Variants in RBMS2 observed in about 807,000 individuals in gnomAD.
The protein encoded by RBMS2 is RNA binding motif single stranded interacting protein 2.
RBMS2 carries 38 observed loss-of-function variants against 58.4 expected under a neutral mutation model. The observed-to-expected ratio is 0.65, with a 90% CI of 0.50 to 0.85. RBMS2 has a LOEUF of 0.85. RBMS2 is among the 40% of genes least tolerant of loss of function. RBMS2 has a pLI of 0.00. For missense variants in RBMS2, 367 were observed against 503.7 expected (o/e 0.73, Z 2.60); for synonymous variants, 151 against 180.7 (o/e 0.84, Z 1.32).
Position 56,595,652 on chromosome 12 carries a change from A to T in RBMS2, c.*6519A>T, listed in dbSNP as rs1272843657. On this transcript the variant is annotated 3_prime_UTR_variant, in exon 14 of 14. Transcript: ENST00000262031. ...GAAGTGGTAAGCTGGTGATGGTCCC[A>T]TATTTGCTATGACAGGAACACAGAG... The T allele has an allele frequency of 6.6e-6, 1 of 151,906 alleles. No homozygotes were observed. Among genetic ancestry groups the T allele is most frequent in the South Asian group, 2.1e-4 (1 of 4,824 alleles). The allele number at this position is 151,906 out of a possible 1,614,324, so 9.4% of individuals were successfully genotyped here. A position where few individuals can be genotyped will look rare whatever the true frequency, so the allele number is the denominator to read the frequency against.
intron 1 of RBMS2, among the ~76,000 whole-genome samples, chr12:56,547,030 T>G (rs1877371070): frequency 6.6e-6 from 1 of 152,094 alleles, no homozygotes; most frequent in African/African-American, 2.4e-5. Flanking sequence ...TTGATTTGCA[T>G]TTCCTTGATG....
chr12:56,562,151 AAG>A (rs1030484688), intron 1 of RBMS2, among the ~76,000 whole-genome samples: 23 of 152,164 alleles, frequency 1.5e-4, no homozygotes, highest in African/African-American at 4.3e-4. Context: ...TGCTGGCAAA[AAG>A]AGGGAAAAAG....
At chr12:56,540,214 C>A (rs537429100) in intron 1 of RBMS2, among the ~76,000 whole-genome samples, 11 of 152,176 alleles carry the variant, frequency 7.2e-5, no homozygotes, top group African/African-American at 2.4e-4. Flanking sequence ...AGCATTTTGT[C>A]CTTGGTACCT....
At chr12:56,578,614 T>C (rs1883476579) in intron 5 of RBMS2, among the ~76,000 whole-genome samples, 1 of 152,210 alleles carries the variant, frequency 6.6e-6, no homozygotes, top group Non-Finnish European at 1.5e-5. Context: ...TGAGAAACCT[T>C]GTTCTCATAA....
chr12:56,567,961 A>C (rs1881651400), intron 2 of RBMS2, among the ~76,000 whole-genome samples: 1 of 152,220 alleles, frequency 6.6e-6, no homozygotes, highest in Non-Finnish European at 1.5e-5. Context: ...GGTTCCTTGA[A>C]TATAATAATA....
intron 2 of RBMS2, among the ~76,000 whole-genome samples, chr12:56,564,047 T>A (rs1165660953): frequency 6.6e-6 from 1 of 152,112 alleles, no homozygotes; most frequent in Non-Finnish European, 1.5e-5. Flanking sequence ...GAATCTTTTT[T>A]TTTTAAGACT....
At chr12:56,553,429 A>G (rs1878642783) in intron 1 of RBMS2, among the ~76,000 whole-genome samples, 1 of 151,998 alleles carries the variant, frequency 6.6e-6, no homozygotes, top group African/African-American at 2.4e-5. Context: ...CCCAGGTTTA[A>G]GCAATTCTCC....
chr12:56,595,352 T>C lies in RBMS2; in HGVS notation c.*6219T>C, dbSNP rs554400710. ...TCCCCACTCCAACATATACCCTTTTTGGGTGGGTAAACACCTCTTTGCATG... is the reference window on the plus strand; with the variant it reads ...TCCCCACTCCAACATATACCCTTTTCGGGTGGGTAAACACCTCTTTGCATG... On this transcript the variant is annotated 3_prime_UTR_variant, in exon 14 of 14. Transcript: ENST00000262031. The C allele has an allele frequency of 3.3e-5, 5 of 152,222 alleles. No individual in the cohort carries two copies. Among genetic ancestry groups the C allele is most frequent in the African/African-American group, 9.7e-5 (4 of 41,448 alleles). 9.4% of individuals were successfully genotyped at this position (152,222 alleles called of 1,614,324 possible). A position where few individuals can be genotyped will look rare whatever the true frequency, so the allele number is the denominator to read the frequency against.
At chr12:56,562,872 C>T (rs1483109219) in intron 2 of RBMS2, among the ~76,000 whole-genome samples, 6 of 152,154 alleles carry the variant, frequency 3.9e-5, no homozygotes, top group Non-Finnish European at 5.9e-5. Flanking sequence ...CCTATAATCC[C>T]AGCACTTTGG....
At chr12:56,587,529 C>A in intron 10 of RBMS2, 25 bp from the exon 11 acceptor site, 1 of 1,610,786 alleles carries the variant, frequency 6.2e-7, no homozygotes, top group South Asian at 1.1e-5. Flanking sequence ...CTGCAGCTAA[C>A]CCTGTCCTTT....
rs546158249 is a variant in RBMS2 at position 56,596,188 on chromosome 12, CAG to C, written c.*7057_*7058del. 7.7e-4 allele frequency: 118 copies of C among 152,836 alleles called. No individual in the cohort carries two copies. The highest frequency in any genetic ancestry group is 2.7e-3 in the African/African-American group (114 of 41,586). The allele number at this position is 152,836 out of a possible 1,614,324, so 9.5% of individuals were successfully genotyped here. On this transcript the variant is annotated 3_prime_UTR_variant, in exon 14 of 14. Transcript: ENST00000262031. Reference sequence around the variant, plus strand: ...AGTCCCTTTTGCTGTAAAAGGAACACAGAAACTTGTTGGTGTTGATGGTGTGG... The same window carrying C: ...AGTCCCTTTTGCTGTAAAAGGAACACAAACTTGTTGGTGTTGATGGTGTGG...
At position 56,573,130 on chromosome 12, in the gene RBMS2, C is replaced by G. The variant is rs1275025459; in HGVS notation, c.542+1275C>G. Reference sequence around the variant, plus strand: ...CACCCCTTTTTGCTTTATATCTTGTCTGGTCCGTGAACACCCCCTTACTCT... The same window carrying G: ...CACCCCTTTTTGCTTTATATCTTGTGTGGTCCGTGAACACCCCCTTACTCT... On this transcript the variant is annotated intron_variant, in intron 5 of 13. Coordinates refer to ENST00000262031, the MANE Select transcript of RBMS2 (RefSeq NM_002898.4). 3.1e-6 allele frequency: 3 copies of G among 979,646 alleles called. No individual in the cohort carries two copies. The African/African-American group carries it at 5.4e-5, about 18-fold the overall frequency. The allele number at this position is 979,646 out of a possible 1,614,324, so 60.7% of individuals were successfully genotyped here. A position where few individuals can be genotyped will look rare whatever the true frequency, so the allele number is the denominator to read the frequency against.
At chr12:56,580,722 A>G (rs1404931053) in intron 5 of RBMS2, among the ~76,000 whole-genome samples, 2 of 152,200 alleles carry the variant, frequency 1.3e-5, no homozygotes, top group Non-Finnish European at 2.9e-5. Context: ...CCACAGATTC[A>G]TGAAATATTA....
Position 56,569,047 on chromosome 12 carries a change from TG to T in RBMS2, c.292+15del. ...ACAAATGTAAAGGTGAGAGAACAACTGTCCTTGGTGTTGGAGAGCACCAGTA... is the reference window on the plus strand; with the variant it reads ...ACAAATGTAAAGGTGAGAGAACAACTTCCTTGGTGTTGGAGAGCACCAGTA... On this transcript the variant is annotated intron_variant, in intron 3 of 13. Transcript: ENST00000262031. 6.2e-7 allele frequency: 1 copy of T among 1,606,084 alleles called. No homozygotes were observed. The highest frequency in any genetic ancestry group is 8.5e-7 in the Non-Finnish European group (1 of 1,172,686).
intron 1 of RBMS2, among the ~76,000 whole-genome samples, chr12:56,537,792 C>T (rs955805988): frequency 6.6e-6 from 1 of 150,914 alleles, no homozygotes; most frequent in East Asian, 1.9e-4. Context: ...CTGTTTTCAA[C>T]ACTGCACAAG....
At chr12:56,530,628 G>A (rs1873563267) in intron 1 of RBMS2, among the ~76,000 whole-genome samples, 1 of 152,082 alleles carries the variant, frequency 6.6e-6, no homozygotes. Flanking sequence ...CTAAAGTGCT[G>A]GGATTTCAGG....
At position 56,594,475 on chromosome 12, in the gene RBMS2, G is replaced by C. The variant is rs964768407; in HGVS notation, c.*5342G>C. On this transcript the variant is annotated 3_prime_UTR_variant, in exon 14 of 14. Transcript: ENST00000262031. ...CTGTAAAGGGTAAATTCCAAATCTT[G>C]TGCCTTGTTATACCAATCCTTCCTG... 3 of 152,224 alleles carry C rather than the reference G, an allele frequency of 2.0e-5. No homozygotes were observed. The highest frequency in any genetic ancestry group is 2.9e-5 in the Non-Finnish European group (2 of 68,042). 9.4% of individuals were successfully genotyped at this position (152,224 alleles called of 1,614,324 possible). A position where few individuals can be genotyped will look rare whatever the true frequency, so the allele number is the denominator to read the frequency against.
At chr12:56,552,466 C>T (rs1041145257) in intron 1 of RBMS2, among the ~76,000 whole-genome samples, 1 of 152,208 alleles carries the variant, frequency 6.6e-6, no homozygotes, top group Non-Finnish European at 1.5e-5. Flanking sequence ...AAGGACATTT[C>T]TATTCCCAGA....
At chr12:56,549,762 C>T (rs1877898259) in intron 1 of RBMS2, among the ~76,000 whole-genome samples, 1 of 152,098 alleles carries the variant, frequency 6.6e-6, no homozygotes, top group Admixed American at 6.6e-5. Flanking sequence ...TGCGGGGGCT[C>T]ATGCCTATAA....
Sources: gnomAD v4.1 joint callset for allele counts (sites outside exome capture counted in the v4.1 genomes callset) on GRCh38, gnomAD v4.1.1 for gene constraint, MANE v1.5 for transcripts, NCBI Gene and HGNC (gene_info 2026-07-23, HGNC 2026-07-21) for gene names.